Variants in PPHLN1 observed in about 807,000 individuals in gnomAD.
PPHLN1 encodes periphilin 1.
PPHLN1 carries 29 observed loss-of-function variants against 51.3 expected under a neutral mutation model. The ratio of observed to expected loss-of-function variants is 0.57; its 90% CI spans 0.42 to 0.77. The LOEUF (loss-of-function observed/expected upper bound fraction) is 0.77. PPHLN1 is among the 30% of genes least tolerant of loss of function. PPHLN1 has a pLI of 0.00. For missense variants in PPHLN1, 436 were observed against 438.4 expected (o/e 0.99, Z 0.05); for synonymous variants, 147 against 147.8 (o/e 0.99, Z 0.04).
At chr12:42,384,667 C>T (rs1489442169) in intron 5 of PPHLN1, among the ~76,000 whole-genome samples, 1 of 152,194 alleles carries the variant, frequency 6.6e-6, no homozygotes, top group Non-Finnish European at 1.5e-5. Flanking sequence ...TTTTCTCATT[C>T]CTTTCTGCCC....
At chr12:42,411,834 G>A (rs2139524577) in intron 9 of PPHLN1, among the ~76,000 whole-genome samples, 1 of 147,444 alleles carries the variant, frequency 6.8e-6, no homozygotes, top group African/African-American at 2.5e-5. Flanking sequence ...GCACCCAGAG[G>A]TGGAGGTTGC....
intron 6 of PPHLN1, among the ~76,000 whole-genome samples, chr12:42,385,912 A>G (rs1016823204): frequency 6.6e-6 from 1 of 152,222 alleles, no homozygotes; most frequent in Non-Finnish European, 1.5e-5. Flanking sequence ...GAAATTTGCC[A>G]CATGCAATGG....
At chr12:42,445,199 C>A, downstream of PPHLN1, 2 of 693,658 alleles carry the variant, frequency 2.9e-6, no homozygotes, top group Non-Finnish European at 5.3e-6. Flanking sequence ...TGGCTTATGG[C>A]AATGATCAAG....
chr12:42,380,909 A>AT (rs2138918108), intron 5 of PPHLN1, among the ~76,000 whole-genome samples: 1 of 152,336 alleles, frequency 6.6e-6, no homozygotes, highest in African/African-American at 2.4e-5. Context: ...TATATTGAAC[A>AT]TAAATTGTTT....
downstream of PPHLN1, chr12:42,444,960 G>A (rs1331352384): frequency 1.5e-6 from 1 of 672,988 alleles, no homozygotes; most frequent in Non-Finnish European, 2.7e-6. Flanking sequence ...AGCTGAGGTT[G>A]GAGCCCTAAT....
At position 42,426,228 on chromosome 12, in the gene PPHLN1, A is replaced by ACC. The variant is rs1555220467; in HGVS notation, c.910-15085_910-15084dup. ...CACACACACACACACACACACACAC[A>ACC]CCCTCATGCATTGTCTCATGGCAGT... is the stretch of plus-strand genomic sequence containing the variant. On this transcript the variant is annotated intron_variant, in intron 9 of 9. Transcript: ENST00000358314. Among the ~76,000 whole-genome samples, 807 of 129,848 alleles carry ACC rather than the reference A, an allele frequency of 6.2e-3. 8 individuals are homozygous for ACC. The highest frequency in any genetic ancestry group is 0.016 in the South Asian group (64 of 3,964). The allele number at this position is 129,848 out of a possible 152,430, so 85.2% of individuals were successfully genotyped here.
intron 5 of PPHLN1, among the ~76,000 whole-genome samples, chr12:42,377,051 A>T (rs147590466): frequency 2.0e-5 from 3 of 152,028 alleles, no homozygotes; most frequent in Non-Finnish European, 4.4e-5. Flanking sequence ...ATGGGTTTGG[A>T]TGCAACCTGA....
rs542828675 is a variant in PPHLN1 at position 42,410,073 on chromosome 12, CTA to C, written c.909+11080_909+11081del. 3.8e-3 allele frequency among the ~76,000 whole-genome samples: 571 copies of C among 152,072 alleles called. 4 individuals carry two copies. Among genetic ancestry groups the C allele is most frequent in the African/African-American group, 0.013 (537 of 41,518 alleles). ...TTTAAATAGTACTCATTGTAAATCT[CTA>C]ATTATCTGCTTTAGAAATTCTTTGT... On this transcript the variant is annotated intron_variant, in intron 9 of 9. Transcript: ENST00000358314.
intron 9 of PPHLN1, among the ~76,000 whole-genome samples, chr12:42,413,778 G>A (rs1366686523): frequency 2.0e-5 from 3 of 151,984 alleles, no homozygotes; most frequent in Non-Finnish European, 2.9e-5. Flanking sequence ...GTCCAGGCTG[G>A]CCTCAAACTT....
downstream of PPHLN1, chr12:42,446,593 A>T (rs1014065180): frequency 6.2e-7 from 1 of 1,613,494 alleles, no homozygotes. Flanking sequence ...TAATTCTAGG[A>T]TGTAAAGCCA....
chr12:42,328,402 TA>T (rs2069133599), intron 1 of PPHLN1, among the ~76,000 whole-genome samples: 1 of 152,332 alleles, frequency 6.6e-6, no homozygotes, highest in African/African-American at 2.4e-5. Flanking sequence ...ACATTATGAA[TA>T]TGCGTTAACA....
intron 9 of PPHLN1, among the ~76,000 whole-genome samples, chr12:42,419,973 A>G (rs1216502108): frequency 1.3e-5 from 2 of 152,218 alleles, no homozygotes; most frequent in African/African-American, 4.8e-5. Flanking sequence ...TAGCAGAAAT[A>G]TAGGATATCA....
intron 2 of PPHLN1, among the ~76,000 whole-genome samples, chr12:42,345,546 A>G (rs1221534882): frequency 6.6e-6 from 1 of 151,534 alleles, no homozygotes; most frequent in African/African-American, 2.4e-5. Context: ...TTTTTTGGAA[A>G]TTCTAGTAAC....
intron 2 of PPHLN1, among the ~76,000 whole-genome samples, chr12:42,340,576 CAA>C (rs2071335474): frequency 6.6e-6 from 1 of 152,136 alleles, no homozygotes; most frequent in Non-Finnish European, 1.5e-5. Context: ...AAGTCAGTCA[CAA>C]GAGTTTATTC....
At chr12:42,446,415 T>C (rs1593084790), downstream of PPHLN1, 5 of 1,395,124 alleles carry the variant, frequency 3.6e-6, no homozygotes, top group Non-Finnish European at 4.8e-6. Context: ...AGTGTGACTT[T>C]TTAGCTAGGA....
At chr12:42,401,893 C>T (rs181385141) in intron 9 of PPHLN1, among the ~76,000 whole-genome samples, 112 of 152,118 alleles carry the variant, frequency 7.4e-4, no homozygotes, top group African/African-American at 2.2e-3. Context: ...CTTACTCTGT[C>T]GCCCATGCTG....
chr12:42,448,377 G>A (rs144535783), downstream of PPHLN1: 1 of 70,678 alleles, frequency 1.4e-5, no homozygotes, highest in African/African-American at 5.5e-5. Flanking sequence ...TTTTTTTTTT[G>A]CCTCTTAAAG....
At chr12:42,337,998 G>A (rs190001645) in intron 2 of PPHLN1, among the ~76,000 whole-genome samples, 92 of 152,052 alleles carry the variant, frequency 6.1e-4, no homozygotes, top group African/African-American at 2.0e-3. Context: ...TGGCCAGGCC[G>A]GTCTCGAATT....
chr12:42,434,221 G>T (rs775538556), intron 9 of PPHLN1, among the ~76,000 whole-genome samples: 1 of 152,162 alleles, frequency 6.6e-6, no homozygotes, highest in Non-Finnish European at 1.5e-5. Context: ...TTGTAAGTGG[G>T]ATCAGAATGA....
Sources: allele counts gnomAD v4.1 joint callset (sites outside exome capture counted in the v4.1 genomes callset), GRCh38; gene constraint gnomAD v4.1.1; transcripts MANE v1.5; gene names NCBI Gene and HGNC (gene_info 2026-07-23, HGNC 2026-07-21).